The following CUX2 variants were observed in gnomAD, a reference collection of about 807,000 sequenced individuals.
CUX2 encodes homeobox protein cut-like 2.
Under a neutral mutation model 144.8 loss-of-function variants are expected in CUX2, and 40 were observed. That is an observed-to-expected ratio of 0.28 (90% CI 0.21 to 0.36). The LOEUF is 0.36. CUX2 is among the 10% of genes least tolerant of loss of function. The pLI is 1.00. For synonymous variants in CUX2, 827 were observed against 875.6 expected, an observed-to-expected ratio of 0.94 and a Z score of 0.98; for missense variants, 1,615 against 1,994.0, an observed-to-expected ratio of 0.81 and a Z score of 3.62.
Position 111,191,843 on chromosome 12 carries a change from G to A in CUX2, c.64-22357G>A, listed in dbSNP as rs536279898. Among the ~76,000 whole-genome samples the A allele has an allele frequency of 4.6e-5, 7 of 152,250 alleles. No homozygotes were observed. In the South Asian group the frequency reaches 6.2e-4, roughly 14 times the overall value. ...AGGCCAGTGTCACCCCACCTCCTTC[G>A]GGGCACCTCCCTGACCCCTGGTACT... On this transcript the variant is annotated intron_variant, in intron 1 of 21. Coordinates refer to ENST00000261726, the MANE Select transcript of CUX2 (RefSeq NM_015267.4).
At chr12:111,272,449 A>G (rs1884680693) in intron 4 of CUX2, among the ~76,000 whole-genome samples, 1 of 152,152 alleles carries the variant, frequency 6.6e-6, no homozygotes, top group Non-Finnish European at 1.5e-5. Context: ...CCTGAAGATG[A>G]CAGTTAACTT....
chr12:111,334,804 C>T lies in CUX2; in HGVS notation c.3196+94C>T, dbSNP rs529277858. On this transcript the variant is annotated intron_variant, in intron 19 of 21. Transcript: ENST00000261726. Reference sequence around the variant, plus strand: ...TGTCTGGAGCTGGGACCCAGTGGCTCATACCTGTAATTCCAGTGCTTTGGG... The same window carrying T: ...TGTCTGGAGCTGGGACCCAGTGGCTTATACCTGTAATTCCAGTGCTTTGGG... The T allele has an allele frequency of 1.4e-4, 187 of 1,368,240 alleles. No individual in the cohort carries two copies. In the African/African-American group the frequency reaches 2.5e-3, roughly 18 times the overall value. The allele number at this position is 1,368,240 out of a possible 1,614,324, so 84.8% of individuals were successfully genotyped here.
rs370620803 is a variant in CUX2 at position 111,307,288 on chromosome 12, T to C, written c.1109+31T>C. The C allele has an allele frequency of 6.2e-7, 1 of 1,602,288 alleles. No homozygotes were observed. Among genetic ancestry groups the C allele is most frequent in the Non-Finnish European group, 8.5e-7 (1 of 1,170,376 alleles). ...ATGTGGGGTGGGGCTCCACAGACCC[T>C]CAGTGCTCTTCCCTGGCCAGGAGCT... On this transcript the variant is annotated intron_variant, in intron 12 of 21. Transcript: ENST00000261726. This position sits in a 1 kb window ranked among gnomAD's most constrained non-coding sequence, Gnocchi z 4.1.
chr12:111,107,288 C>G (rs1321545469), intron 1 of CUX2, among the ~76,000 whole-genome samples: 1 of 152,364 alleles, frequency 6.6e-6, no homozygotes, highest in East Asian at 1.9e-4. Flanking sequence ...CTCACACAGC[C>G]TGCCCACCTG....
chr12:111,262,470 C>G (rs939143329), intron 3 of CUX2, among the ~76,000 whole-genome samples: 1 of 151,450 alleles, frequency 6.6e-6, no homozygotes, highest in African/African-American at 2.4e-5. Context: ...CCTCGAAATC[C>G]TGGCCTCAAA....
intron 1 of CUX2, among the ~76,000 whole-genome samples, chr12:111,141,877 G>C (rs946489374): frequency 1.3e-5 from 2 of 152,224 alleles, no homozygotes; most frequent in Admixed American, 1.3e-4. Flanking sequence ...TTGAGGCCAG[G>C]AGTTCGAGAC....
intron 1 of CUX2, among the ~76,000 whole-genome samples, chr12:111,131,697 G>A (rs934747587): frequency 2.0e-5 from 3 of 152,182 alleles, no homozygotes; most frequent in Non-Finnish European, 2.9e-5. Flanking sequence ...ATGCAAGTCC[G>A]AAATCCAGTG....
At chr12:111,292,446 C>T (rs531293033) in intron 5 of CUX2, among the ~76,000 whole-genome samples, 8 of 152,150 alleles carry the variant, frequency 5.3e-5, no homozygotes, top group South Asian at 2.1e-4. Context: ...AAAAATTCAC[C>T]GGGTTTGGTG....
chr12:111,116,225 G>T (rs527383662), intron 1 of CUX2, among the ~76,000 whole-genome samples: 1 of 152,358 alleles, frequency 6.6e-6, no homozygotes, highest in Non-Finnish European at 1.5e-5. Context: ...CTGGGGGAAC[G>T]AAAGATGTTG....
chr12:111,046,348 T>C (rs1205889203), intron 1 of CUX2, among the ~76,000 whole-genome samples: 1 of 152,256 alleles, frequency 6.6e-6, no homozygotes, highest in African/African-American at 2.4e-5. Context: ...TGCAAGCCAG[T>C]GTTCACAGCC....
At chr12:111,269,135 A>C (rs1884522929) in intron 4 of CUX2, among the ~76,000 whole-genome samples, 1 of 152,222 alleles carries the variant, frequency 6.6e-6, no homozygotes, top group Non-Finnish European at 1.5e-5. Flanking sequence ...CAAGGTTCAC[A>C]GTATACAGCA....
chr12:111,121,739 T>C (rs1193261011), intron 1 of CUX2, among the ~76,000 whole-genome samples: 1 of 152,016 alleles, frequency 6.6e-6, no homozygotes, highest in Admixed American at 6.6e-5. Context: ...AGATAATTTT[T>C]CCCCCATTGA....
In CUX2 at chr12:111,320,195, A is replaced by G. The variant is rs1465225696; in HGVS notation, c.2186A>G (p.Glu729Gly). The G allele has an allele frequency of 6.5e-7, 1 of 1,535,402 alleles. No individual in the cohort carries two copies. ...RGRSVPPSPP[E>G]RPSLATASQN... The stretch of plus-strand genomic sequence containing the variant: ...CGCTCGGTGCCCCCCTCGCCCCCGG[A>G]GCGGCCATCACTGGCCACCGCGAGC... Residue 729 changes from glutamate (E) to glycine (G), a missense_variant, in exon 17 of 22, where the codon GAG becomes GGG. By Grantham distance (98) the Glu-to-Gly change is moderately conservative. Around this residue, in one of 12 missense-constraint regions of CUX2, gnomAD observed 390 missense variants for 387.1 expected, o/e 1.01. Coordinates refer to ENST00000261726, the MANE Select transcript of CUX2 (RefSeq NM_015267.4). The surrounding 1 kb of genome is among the most constrained non-coding windows in gnomAD (Gnocchi z 8.1).
rs1884016617 is a variant in CUX2 at position 111,259,747 on chromosome 12, C to T, written c.223-4014C>T. 2.1e-5 allele frequency among the ~76,000 whole-genome samples: 3 copies of T among 145,132 alleles called. No individual in the cohort carries two copies. The Admixed American group carries it at 2.1e-4, about 10-fold the overall frequency. On this transcript the variant is annotated intron_variant, in intron 3 of 21. Coordinates refer to ENST00000261726, the MANE Select transcript of CUX2 (RefSeq NM_015267.4). ...GGTGTGTGGTGCACATCTGTAATTGCAGCTACTCTGCACTCCAGCCTGGGT... is the reference window on the plus strand; with the variant it reads ...GGTGTGTGGTGCACATCTGTAATTGTAGCTACTCTGCACTCCAGCCTGGGT...
chr12:111,060,104 C>T (rs1476107920), intron 1 of CUX2, among the ~76,000 whole-genome samples: 1 of 152,104 alleles, frequency 6.6e-6, no homozygotes, highest in Non-Finnish European at 1.5e-5. Context: ...AATCATGACC[C>T]CACACCCTCT....
intron 1 of CUX2, among the ~76,000 whole-genome samples, chr12:111,164,541 C>A (rs183803563): frequency 3.8e-4 from 58 of 151,618 alleles, no homozygotes; most frequent in African/African-American, 1.3e-3. Flanking sequence ...GTGCTATTGC[C>A]CTCCAGCCTG....
intron 1 of CUX2, among the ~76,000 whole-genome samples, chr12:111,066,734 G>T (rs1460165858): frequency 6.6e-6 from 1 of 152,192 alleles, no homozygotes; most frequent in Non-Finnish European, 1.5e-5. Context: ...GGGTCAGAAT[G>T]GTGTCAGGGT....
At chr12:111,193,467 G>C (rs545514917) in intron 1 of CUX2, among the ~76,000 whole-genome samples, 1 of 152,186 alleles carries the variant, frequency 6.6e-6, no homozygotes, top group Non-Finnish European at 1.5e-5. Flanking sequence ...ATAGCTGTTG[G>C]GGGGGAGAAA....
chr12:111,127,581 C>G (rs1875172717), intron 1 of CUX2, among the ~76,000 whole-genome samples: 1 of 152,236 alleles, frequency 6.6e-6, no homozygotes, highest in Admixed American at 6.5e-5. Context: ...ATAAGTGTAT[C>G]TCCTAGTAGA....
Sources: allele counts gnomAD v4.1 joint callset (sites outside exome capture counted in the v4.1 genomes callset), GRCh38; gene constraint gnomAD v4.1.1; regional missense constraint gnomAD v4.1.1; non-coding constraint Gnocchi (gnomAD v3.1); transcripts MANE v1.5; gene names NCBI Gene and HGNC (gene_info 2026-07-23, HGNC 2026-07-21).